The following DACT3 variants were observed in gnomAD, a reference collection of about 807,000 sequenced individuals.
DACT3 encodes dishevelled binding antagonist of beta catenin 3, also known as dapper homolog 3.
In DACT3, 5 loss-of-function variants were observed where a neutral mutation model predicts 19.6. That is an observed-to-expected ratio of 0.26 (90% CI 0.13 to 0.54). The LOEUF (loss-of-function observed/expected upper bound fraction) is 0.54. Among genes scored for constraint, DACT3 ranks in the 20% least tolerant of loss-of-function variants. DACT3 has a pLI of 0.95. For synonymous variants in DACT3, 454 were observed against 428.1 expected (o/e 1.06, Z -0.75); for missense variants, 908 against 927.4 (o/e 0.98, Z 0.27).
chr19:46,656,133 CT>C (rs1358374568), intron 1 of DACT3, among the ~76,000 whole-genome samples: 1 of 144,142 alleles, frequency 6.9e-6, no homozygotes, highest in Non-Finnish European at 1.5e-5. Context: ...CAGCCTCCAC[CT>C]CCCAGGTTCA....
In DACT3 at chr19:46,648,630, G is replaced by A; in HGVS notation, c.1742C>T (p.Ala581Val). 4 of 1,612,500 alleles carry A rather than the reference G, an allele frequency of 2.5e-6. No individual in the cohort carries two copies. The highest frequency in any genetic ancestry group is 1.7e-4 in the Middle Eastern group (1 of 6,058). ...GGLVWPQQLV[A>V]ATAASGGGAG... ...TCCACCCCCAGAGGCCGCGGTGGCCGCCACCAGCTGCTGCGGCCACACGAG... is the reference window on the plus strand; with the variant it reads ...TCCACCCCCAGAGGCCGCGGTGGCCACCACCAGCTGCTGCGGCCACACGAG... Residue 581 changes from alanine (A) to valine (V), a missense_variant, in exon 4 of 4, where the codon GCG (alanine) becomes GTG (valine). Ala to Val is a moderately conservative substitution (Grantham distance 64, BLOSUM62 0). Coordinates refer to ENST00000391916, the MANE Select transcript of DACT3 (RefSeq NM_145056.3). This position sits in a 1 kb window ranked among gnomAD's most constrained non-coding sequence, Gnocchi z 5.1.
intron 1 of DACT3, among the ~76,000 whole-genome samples, chr19:46,658,271 T>C (rs2053047186): frequency 6.6e-6 from 1 of 150,952 alleles, no homozygotes; most frequent in Non-Finnish European, 1.5e-5. Flanking sequence ...GGTGTGCACC[T>C]GTAGTCCTAG....
intron 1 of DACT3, chr19:46,654,730 G>A (rs1438721028): frequency 1.1e-5 from 11 of 985,308 alleles, no homozygotes; most frequent in Non-Finnish European, 1.3e-5. Flanking sequence ...GACCGCAGGA[G>A]GGAGGGAAGT....
intron 3 of DACT3, 128 bp downstream of exon 3, chr19:46,652,532 C>A: frequency 9.5e-7 from 1 of 1,047,360 alleles, no homozygotes. Context: ...GAGACCTGCT[C>A]ATAACCATGT....
At position 46,648,765 on chromosome 19, in the gene DACT3, C is replaced by A; in HGVS notation, c.1607G>T (p.Gly536Val). The A allele has an allele frequency of 6.4e-7, 1 of 1,561,504 alleles. No individual in the cohort carries two copies. The highest frequency in any genetic ancestry group is 1.1e-5 in the South Asian group (1 of 88,296). Residue 536 changes from glycine to valine, a missense_variant, in exon 4 of 4, where the codon GGG (glycine) becomes GTG (valine). Gly to Val is a moderately radical substitution (Grantham distance 109, BLOSUM62 -3). Transcript: ENST00000391916. This position sits in a 1 kb window ranked among gnomAD's most constrained non-coding sequence, Gnocchi z 5.1. ...ACCCCCGCCGACGCCTCCCGCAGGC[C>A]CCCGGCGTCCCAGGGGCCCCAGGCG... ...AGRLGPLGRR[G>V]PAGGVGGGYG...
At chr19:46,659,835 A>ACGT (rs1048600826) in intron 1 of DACT3, among the ~76,000 whole-genome samples, 1 of 152,088 alleles carries the variant, frequency 6.6e-6, no homozygotes, top group African/African-American at 2.4e-5. Flanking sequence ...TGAGCCTGGG[A>ACGT]CGTCGGGCAA....
At chr19:46,653,615 G>A (rs1295785057) in intron 1 of DACT3, among the ~76,000 whole-genome samples, 5 of 151,128 alleles carry the variant, frequency 3.3e-5, no homozygotes, top group Admixed American at 6.6e-5. Flanking sequence ...GGGCAGTGGC[G>A]TGATCCCAGC....
Position 46,649,827 on chromosome 19 carries a change from G to T in DACT3, c.545C>A (p.Ala182Glu). Residue 182 changes from alanine to glutamate, a missense_variant, in exon 4 of 4, where the codon GCG (alanine) becomes GAG (glutamate). Coordinates refer to ENST00000391916, the MANE Select transcript of DACT3 (RefSeq NM_145056.3). Reference protein sequence around the residue: ...SAPEVVGARAAVPRSFSAPYP... With the variant: ...SAPEVVGARAEVPRSFSAPYP... ...GGGCGCTGAGAAGGACCGCGGCACC[G>T]CTGCCCGCGCGCCCACCACCTCCGG... 7.0e-7 allele frequency: 1 copy of T among 1,422,738 alleles called. No individual in the cohort carries two copies. Among genetic ancestry groups the T allele is most frequent in the Non-Finnish European group, 9.1e-7 (1 of 1,094,698 alleles). The allele number at this position is 1,422,738 out of a possible 1,614,324, so 88.1% of individuals were successfully genotyped here.
At chr19:46,652,256 C>T (rs1365229375) in intron 3 of DACT3, 1 of 212,972 alleles carries the variant, frequency 4.7e-6, no homozygotes, top group African/African-American at 2.3e-5. Context: ...GGCAGTGGCA[C>T]AATCTTGGCT....
intron 1 of DACT3, chr19:46,654,740 T>C: frequency 1.0e-6 from 1 of 984,806 alleles, no homozygotes; most frequent in Non-Finnish European, 1.2e-6. Context: ...GGGAGGGAAG[T>C]GGGGAGGAGG....
intron 3 of DACT3, chr19:46,652,403 T>C (rs750465986): frequency 7.1e-5 from 35 of 495,964 alleles, no homozygotes; most frequent in Non-Finnish European, 1.1e-4. Flanking sequence ...CAGGCTGGTC[T>C]CAATCTCCTG....
intron 3 of DACT3, 191 bp downstream of exon 3, chr19:46,652,469 G>C: frequency 1.5e-6 from 1 of 678,266 alleles, no homozygotes; most frequent in Non-Finnish European, 2.4e-6. Context: ...GTGAGCCACC[G>C]CACCCAGCCA....
intron 1 of DACT3, among the ~76,000 whole-genome samples, chr19:46,656,049 A>C (rs1385687809): frequency 7.9e-6 from 1 of 125,834 alleles, no homozygotes; most frequent in East Asian, 2.6e-4. Context: ...AAATTTATTT[A>C]TTTATTTATT....
chr19:46,659,047 G>A (rs2053053352), intron 1 of DACT3: 4 of 975,472 alleles, frequency 4.1e-6, no homozygotes, highest in Non-Finnish European at 4.9e-6. Context: ...TCCTGGCAGG[G>A]GCTGGGGGTG....
chr19:46,648,771 C>T lies in DACT3; in HGVS notation c.1601G>A (p.Arg534His), dbSNP rs2052945185. 1 of 1,557,396 alleles carries T rather than the reference C, an allele frequency of 6.4e-7. No homozygotes were observed. The change falls in exon 4 of 4, where the codon CGC (arginine) becomes CAC (histidine). Residue 534 changes from arginine to histidine, a missense_variant. Arg to His is a conservative substitution (Grantham distance 29, BLOSUM62 0). This residue lies in a region of DACT3 where 656 missense variants were observed against 601.8 expected (regional missense o/e 1.09). Coordinates refer to ENST00000391916, the MANE Select transcript of DACT3 (RefSeq NM_145056.3). The surrounding 1 kb of genome is among the most constrained non-coding windows in gnomAD (Gnocchi z 5.1). ...GCCGACGCCTCCCGCAGGCCCCCGG[C>T]GTCCCAGGGGCCCCAGGCGCCCAGC... ...CSAGRLGPLGRRGPAGGVGGG... is the reference protein window; with the variant it reads ...CSAGRLGPLGHRGPAGGVGGG...
chr19:46,654,074 A>G, intron 1 of DACT3: 5 of 985,326 alleles, frequency 5.1e-6, no homozygotes, highest in Non-Finnish European at 6.0e-6. Flanking sequence ...CCTTACTGGT[A>G]CTGCAGCAGC....
chr19:46,652,523 A>G, intron 3 of DACT3, 137 bp downstream of exon 3: 1 of 954,324 alleles, frequency 1.0e-6, no homozygotes, highest in East Asian at 2.7e-5. Context: ...CAGAAATAAG[A>G]GACCTGCTCA....
At chr19:46,657,415 A>G (rs912765330) in intron 1 of DACT3, among the ~76,000 whole-genome samples, 6 of 134,330 alleles carry the variant, frequency 4.5e-5, no homozygotes, top group African/African-American at 1.7e-4. Context: ...GTGCAGTGGC[A>G]CAATCTCGGC....
chr19:46,653,486 C>A (rs997088282), intron 1 of DACT3, among the ~76,000 whole-genome samples: 3 of 152,122 alleles, frequency 2.0e-5, no homozygotes, highest in Admixed American at 6.5e-5. Context: ...TCCAGGACCC[C>A]CAGATCCCTT....
Sources: allele counts gnomAD v4.1 joint callset (sites outside exome capture counted in the v4.1 genomes callset), GRCh38; gene constraint gnomAD v4.1.1; regional missense constraint gnomAD v4.1.1; non-coding constraint Gnocchi (gnomAD v3.1); transcripts MANE v1.5; gene names NCBI Gene and HGNC (gene_info 2026-07-23, HGNC 2026-07-21).